MTAP: variants seen among roughly 807,000 people sequenced by gnomAD.
MTAP encodes S-methyl-5'-thioadenosine phosphorylase.
MTAP carries 33 observed loss-of-function variants against 33.6 expected under a neutral mutation model. The observed-to-expected ratio is 0.98, with a 90% CI of 0.74 to 1.31. The LOEUF is 1.31. Ranked by LOEUF, MTAP falls within the 40% of genes most tolerant of loss-of-function variation. The probability of loss-of-function intolerance (pLI) is 0.00; values close to 1 mark genes in which losing one functional copy is unlikely to be tolerated. For missense variants in MTAP, 367 were observed against 360.0 expected, an observed-to-expected ratio of 1.02 and a Z score of -0.16; for synonymous variants, 148 against 125.7, an observed-to-expected ratio of 1.18 and a Z score of -1.19.
chr9:21,861,944 G>T, intron 7 of MTAP, 32 bp from the exon 8 acceptor site: 1 of 1,195,386 alleles, frequency 8.4e-7, no homozygotes, highest in Non-Finnish European at 1.2e-6. Context: ...ACGCCAACAT[G>T]TGAATATCAC....
intron 4 of MTAP, among the ~76,000 whole-genome samples, chr9:21,830,245 G>A (rs1285994200): frequency 6.6e-6 from 1 of 152,288 alleles, no homozygotes; most frequent in Middle Eastern, 3.4e-3. Context: ...GCACAGGGAC[G>A]AGTTTCCTGA....
At chr9:21,917,887 T>C (rs1818716187) in intron 1 of MTAP, among the ~76,000 whole-genome samples, 1 of 152,194 alleles carries the variant, frequency 6.6e-6, no homozygotes, top group Non-Finnish European at 1.5e-5. Flanking sequence ...TATATGTATA[T>C]GCCATGGAAT....
chr9:21,840,275 A>G (rs1224672126), intron 5 of MTAP, among the ~76,000 whole-genome samples: 3 of 152,144 alleles, frequency 2.0e-5, no homozygotes, highest in East Asian at 1.9e-4. Flanking sequence ...TTCCACAAGG[A>G]CGGACAGAAT....
At chr9:21,833,124 AG>A (rs1256131790) in intron 4 of MTAP, among the ~76,000 whole-genome samples, 1 of 152,152 alleles carries the variant, frequency 6.6e-6, no homozygotes, top group East Asian at 1.9e-4. Context: ...ACAAGCACTC[AG>A]GGGCACTCTT....
chr9:21,867,610 G>T (rs1825874522), downstream of MTAP, among the ~76,000 whole-genome samples: 1 of 151,912 alleles, frequency 6.6e-6, no homozygotes. Context: ...ATTGGTCTGT[G>T]ATTTTCCTTT....
intron 1 of MTAP, chr9:21,929,584 T>G (rs1818922596): frequency 2.7e-6 from 1 of 367,588 alleles, no homozygotes; most frequent in Non-Finnish European, 5.7e-6. Flanking sequence ...CACCAAATGC[T>G]GGTTATGTAC....
chr9:21,897,160 G>A (rs1056175598), intron 1 of MTAP, among the ~76,000 whole-genome samples: 2 of 152,084 alleles, frequency 1.3e-5, no homozygotes, highest in African/African-American at 4.8e-5. Flanking sequence ...TGCAGAAAAG[G>A]CCTTTGACAA....
rs116907830 is a variant in MTAP, at chr9:21,879,922, C to G, written c.147+25052C>G. Among the ~76,000 whole-genome samples the G allele has an allele frequency of 5.6e-3, 845 of 152,148 alleles. 16 individuals carry two copies. Among genetic ancestry groups the G allele is most frequent in the East Asian group, 0.053 (276 of 5,168 alleles). ...GGTCCACTGTTAACCTGATGGGGCT[C>G]CTTTTGTAGGCGGCCTGCCCTTTCT... is the stretch of plus-strand genomic sequence containing the variant. On this transcript the variant is annotated intron_variant, in intron 1 of 1. Transcript: ENST00000577563.
At position 21,802,679 on chromosome 9, in the gene MTAP, C is replaced by A; in HGVS notation, c.-70C>A. 3 of 1,574,710 alleles carry A rather than the reference C, an allele frequency of 1.9e-6. No homozygotes were observed. Among genetic ancestry groups the A allele is most frequent in the South Asian group, 1.1e-5 (1 of 88,334 alleles). ...CGCGCAGTGAGGTTGGCACAGCCAC[C>A]GCTCTGTGGCTCGCTTGGTTCCCTT... On this transcript the variant is annotated 5_prime_UTR_variant, in exon 1 of 8. Transcript: ENST00000644715.
intron 7 of MTAP, 157 bp from the exon 8 acceptor site, chr9:21,861,818 GT>G: frequency 1.6e-6 from 1 of 633,756 alleles, no homozygotes; most frequent in Non-Finnish European, 2.9e-6. Flanking sequence ...TCCACATCTG[GT>G]TAGTGAACTT....
intron 1 of MTAP, among the ~76,000 whole-genome samples, chr9:21,923,174 C>T (rs916036407): frequency 2.0e-5 from 3 of 152,196 alleles, no homozygotes; most frequent in African/African-American, 7.2e-5. Flanking sequence ...AAACAGGCTC[C>T]CTTGCAGATG....
intron 1 of MTAP, 63 bp downstream of exon 1, chr9:21,802,844 G>A (rs761454384): frequency 8.1e-6 from 13 of 1,597,574 alleles, no homozygotes; most frequent in Admixed American, 5.1e-5. Context: ...CCCCCGCGCC[G>A]GGGGACCGCG....
rs397691001 is a variant in MTAP, at chr9:21,809,652, A to AG, written c.34-5780dup. On this transcript the variant is annotated intron_variant, in intron 1 of 7. Coordinates refer to ENST00000644715, the MANE Select transcript of MTAP (RefSeq NM_002451.4). ...AGACTCCGTCTCAAAAAAAAAAAAA[A>AG]GAAAGAAATTTATGGTCTAGGCCCT... Among the ~76,000 whole-genome samples, 95 of 151,736 alleles carry AG rather than the reference A, an allele frequency of 6.3e-4. 1 individual carries two copies. The highest frequency in any genetic ancestry group is 3.4e-3 in the Middle Eastern group (1 of 290).
chr9:21,896,420 A>T (rs4977745), intron 1 of MTAP, among the ~76,000 whole-genome samples: 35,235 of 151,958 alleles, frequency 0.23, 4,374 homozygotes, highest in Admixed American at 0.36. Flanking sequence ...ACACCAAAAA[A>T]CCCTTCAAGA....
intron 5 of MTAP, among the ~76,000 whole-genome samples, chr9:21,852,707 GAA>G (rs201258395): frequency 1.0e-4 from 12 of 118,100 alleles, no homozygotes; most frequent in East Asian, 2.4e-4. Context: ...CTATTGAAAT[GAA>G]AAAAAAAAAA....
chr9:21,861,364 T>C (rs970895046), intron 7 of MTAP: 3 of 153,006 alleles, frequency 2.0e-5, no homozygotes, highest in Non-Finnish European at 4.4e-5. Flanking sequence ...CACACACACA[T>C]ATAAAACCTA....
chr9:21,914,452 T>TA (rs1431119899), intron 1 of MTAP, among the ~76,000 whole-genome samples: 1 of 151,866 alleles, frequency 6.6e-6, no homozygotes, highest in Admixed American at 6.6e-5. Context: ...TATGCAGCCA[T>TA]AAAAAAGGAT....
chr9:21,927,512 A>G (rs1221264472), intron 1 of MTAP, among the ~76,000 whole-genome samples: 2 of 152,254 alleles, frequency 1.3e-5, no homozygotes, highest in Non-Finnish European at 2.9e-5. Flanking sequence ...CTACTAGAAG[A>G]GGATAACTGA....
chr9:21,853,936 G>C (rs1181072159), intron 5 of MTAP, among the ~76,000 whole-genome samples: 1 of 152,144 alleles, frequency 6.6e-6, no homozygotes, highest in Non-Finnish European at 1.5e-5. Context: ...TTAATAACTT[G>C]AAGATTAGAT....
Sources: gnomAD v4.1 joint callset for allele counts (sites outside exome capture counted in the v4.1 genomes callset) on GRCh38, gnomAD v4.1.1 for gene constraint, MANE v1.5 for transcripts, NCBI Gene and HGNC (gene_info 2026-07-23, HGNC 2026-07-21) for gene names.